SLC35F4: variants seen among roughly 807,000 people sequenced by gnomAD.
SLC35F4 encodes solute carrier family 35 member F4.
Under a neutral mutation model 44.2 loss-of-function variants are expected in SLC35F4, and 24 were observed. The ratio of observed to expected loss-of-function variants is 0.54; its 90% CI spans 0.39 to 0.76. The LOEUF (loss-of-function observed/expected upper bound fraction) is 0.76. SLC35F4 is among the 30% of genes least tolerant of loss of function. SLC35F4 has a pLI of 0.00. For synonymous variants in SLC35F4, 238 were observed against 223.6 expected, an observed-to-expected ratio of 1.06 and a Z score of -0.57; for missense variants, 562 against 586.1, an observed-to-expected ratio of 0.96 and a Z score of 0.42.
At position 57,657,572 on chromosome 14, in the gene SLC35F4, C is replaced by T. The variant is rs538291579; in HGVS notation, c.104-63448G>A. On this transcript the variant is annotated intron_variant, in intron 1 of 7. Transcript: ENST00000556826. ...TCCCCCAAAATCTAGGATCCTGTGC[C>T]GGCCCTTGCTTTTCTCCACTGTGCC... Among the ~76,000 whole-genome samples, 14 of 152,248 alleles carry T rather than the reference C, an allele frequency of 9.2e-5. No individual in the cohort carries two copies. The South Asian group carries it at 1.0e-3, about 11-fold the overall frequency.
chr14:57,729,321 C>A (rs551151161), intron 1 of SLC35F4, among the ~76,000 whole-genome samples: 1 of 152,020 alleles, frequency 6.6e-6, no homozygotes, highest in Non-Finnish European at 1.5e-5. Flanking sequence ...AGTCTTTTAC[C>A]GTAGCCACAA....
At chr14:57,680,053 T>C (rs1192970232) in intron 1 of SLC35F4, among the ~76,000 whole-genome samples, 2 of 152,010 alleles carry the variant, frequency 1.3e-5, no homozygotes, top group South Asian at 2.1e-4. Context: ...TACCAAAACC[T>C]GGCAGAGACC....
intron 1 of SLC35F4, among the ~76,000 whole-genome samples, chr14:57,862,565 C>G (rs1887773164): frequency 6.6e-6 from 1 of 152,208 alleles, no homozygotes; most frequent in Admixed American, 6.5e-5. Flanking sequence ...ATACAGGCCT[C>G]CCTGCTGTTT....
At chr14:57,630,399 AC>A in intron 1 of SLC35F4, 1 of 664,504 alleles carries the variant, frequency 1.5e-6, no homozygotes, top group South Asian at 1.6e-5. Flanking sequence ...AGATTCAAAC[AC>A]TGAAATTAAT....
intron 2 of SLC35F4, among the ~76,000 whole-genome samples, chr14:57,592,881 G>A (rs1214579976): frequency 6.6e-6 from 1 of 151,950 alleles, no homozygotes; most frequent in African/African-American, 2.4e-5. Flanking sequence ...TTATTTTGGT[G>A]GTGTATTTTG....
intron 2 of SLC35F4, among the ~76,000 whole-genome samples, chr14:57,591,686 C>T (rs2070190900): frequency 6.6e-6 from 1 of 152,176 alleles, no homozygotes. Flanking sequence ...CTTAGCTTTC[C>T]ATTCAGGCAC....
chr14:57,870,158 C>CTG (rs1888266084), upstream of SLC35F4, among the ~76,000 whole-genome samples: 3 of 129,104 alleles, frequency 2.3e-5, no homozygotes, highest in South Asian at 7.3e-4. Flanking sequence ...GTGTGTGTGT[C>CTG]TGTGTCTCTC....
At chr14:57,859,046 A>T (rs1436319165) in intron 1 of SLC35F4, among the ~76,000 whole-genome samples, 2 of 152,154 alleles carry the variant, frequency 1.3e-5, no homozygotes, top group Non-Finnish European at 2.9e-5. Flanking sequence ...TTAAGGCTGC[A>T]GTAAACTATA....
chr14:57,743,285 G>A (rs2076665451), intron 1 of SLC35F4, among the ~76,000 whole-genome samples: 1 of 152,146 alleles, frequency 6.6e-6, no homozygotes, highest in Non-Finnish European at 1.5e-5. Flanking sequence ...GAATCCAGGA[G>A]CTGGTTTTTC....
chr14:57,899,862 G>A (rs1004052528), intron 1 of SLC35F4, among the ~76,000 whole-genome samples: 54 of 152,220 alleles, frequency 3.5e-4, no homozygotes, highest in African/African-American at 9.9e-4. Flanking sequence ...AAGATGGCAC[G>A]GACCCAAAGT....
At chr14:57,665,567 A>G (rs1359111866) in intron 1 of SLC35F4, among the ~76,000 whole-genome samples, 1 of 152,224 alleles carries the variant, frequency 6.6e-6, no homozygotes, top group African/African-American at 2.4e-5. Flanking sequence ...GAAGTGACTG[A>G]ATATACTAAA....
chr14:57,914,115 G>C (rs1254982269), intron 1 of SLC35F4, among the ~76,000 whole-genome samples: 2 of 152,140 alleles, frequency 1.3e-5, no homozygotes, highest in South Asian at 2.1e-4. Context: ...AATACCACCA[G>C]TGGGTAACTT....
chr14:57,771,741 T>G (rs1202863683), intron 1 of SLC35F4, among the ~76,000 whole-genome samples: 1 of 152,148 alleles, frequency 6.6e-6, no homozygotes, highest in African/African-American at 2.4e-5. Flanking sequence ...CTACAGGCAT[T>G]TGCCACCACA....
chr14:57,706,770 T>G (rs1354465899), intron 1 of SLC35F4, among the ~76,000 whole-genome samples: 1 of 151,852 alleles, frequency 6.6e-6, no homozygotes, highest in African/African-American at 2.4e-5. Context: ...AATAGGCCAC[T>G]GTGGCTATAG....
chr14:57,831,363 G>A (rs1884355266), intron 1 of SLC35F4, among the ~76,000 whole-genome samples: 1 of 151,788 alleles, frequency 6.6e-6, no homozygotes, highest in South Asian at 2.1e-4. Flanking sequence ...AGAAATAAAT[G>A]TCAATGTTTA....
At chr14:57,961,920 T>A (rs1890346827) in intron 1 of SLC35F4, among the ~76,000 whole-genome samples, 1 of 152,246 alleles carries the variant, frequency 6.6e-6, no homozygotes, top group Non-Finnish European at 1.5e-5. Context: ...TGTGAGTATC[T>A]GTTTTACAAA....
chr14:57,670,902 CT>C (rs35951590), intron 1 of SLC35F4, among the ~76,000 whole-genome samples: 1,739 of 107,278 alleles, frequency 0.016, 33 homozygotes, highest in African/African-American at 0.056. Flanking sequence ...CTCATTCATT[CT>C]TTTTTTTTTT....
intron 7 of SLC35F4, among the ~76,000 whole-genome samples, chr14:57,565,569 C>T (rs1162012496): frequency 6.6e-6 from 1 of 152,168 alleles, no homozygotes; most frequent in African/African-American, 2.4e-5. Flanking sequence ...ACTAATTGCT[C>T]AGAAATTCTT....
intron 2 of SLC35F4, among the ~76,000 whole-genome samples, chr14:57,592,583 A>C (rs1284951161): frequency 6.6e-6 from 1 of 152,240 alleles, no homozygotes; most frequent in Non-Finnish European, 1.5e-5. Context: ...GGTAATAGGA[A>C]TATTGCAATT....
Sources: gnomAD v4.1 joint callset for allele counts (sites outside exome capture counted in the v4.1 genomes callset) on GRCh38, gnomAD v4.1.1 for gene constraint, MANE v1.5 for transcripts, NCBI Gene and HGNC (gene_info 2026-07-23, HGNC 2026-07-21) for gene names.